ZPBP: variants seen among roughly 807,000 people sequenced by gnomAD.
The protein encoded by ZPBP is zona pellucida binding protein.
In ZPBP, 26 loss-of-function variants were observed where a neutral mutation model predicts 44.8. The observed-to-expected ratio is 0.58, with a 90% CI of 0.43 to 0.81. The LOEUF is 0.81. Ranked by LOEUF, ZPBP falls within the 30% of genes least tolerant of loss-of-function variation. The pLI, the probability that ZPBP is intolerant of heterozygous loss-of-function variation, is 0.00. For missense variants in ZPBP, 409 were observed against 434.0 expected (o/e 0.94, Z 0.51); for synonymous variants, 174 against 153.2 (o/e 1.14, Z -1.00).
At chr7:50,043,065 C>T (rs1474949558) in intron 4 of ZPBP, among the ~76,000 whole-genome samples, 1 of 152,186 alleles carries the variant, frequency 6.6e-6, no homozygotes, top group African/African-American at 2.4e-5. Context: ...GGGCAGAAAA[C>T]CGCTTAAAGG....
At chr7:49,874,430 A>G (rs1356557037) in intron 2 of ZPBP, among the ~76,000 whole-genome samples, 1 of 151,692 alleles carries the variant, frequency 6.6e-6, no homozygotes, top group Admixed American at 6.6e-5. Flanking sequence ...AGGTGTGTAG[A>G]AGGCTGTACT....
At chr7:50,026,432 A>G (rs1480464506) in intron 5 of ZPBP, among the ~76,000 whole-genome samples, 2 of 151,824 alleles carry the variant, frequency 1.3e-5, no homozygotes, top group East Asian at 1.9e-4. Context: ...AGATCTATAC[A>G]ATATACACAG....
chr7:49,956,602 G>C (rs1457668857), intron 7 of ZPBP, among the ~76,000 whole-genome samples: 2 of 151,886 alleles, frequency 1.3e-5, no homozygotes, highest in African/African-American at 2.4e-5. Context: ...AGATCTATAT[G>C]ATGCTAACTA....
chr7:50,069,871 C>T (rs1801747274), intron 3 of ZPBP, among the ~76,000 whole-genome samples: 1 of 152,104 alleles, frequency 6.6e-6, no homozygotes, highest in Admixed American at 6.5e-5. Flanking sequence ...CCTTATGCAA[C>T]GTCCTCAGTC....
intron 2 of ZPBP, among the ~76,000 whole-genome samples, chr7:49,857,785 T>C (rs1562735399): frequency 6.6e-6 from 1 of 152,168 alleles, no homozygotes; most frequent in African/African-American, 2.4e-5. Context: ...AATTCTACAG[T>C]CTCACTTCTG....
intron 6 of ZPBP, among the ~76,000 whole-genome samples, chr7:49,996,627 G>A (rs918985351): frequency 5.3e-5 from 8 of 152,188 alleles, no homozygotes; most frequent in Non-Finnish European, 1.0e-4. Flanking sequence ...ACCAATTCAA[G>A]GTGGTCTGAG....
At chr7:49,988,747 T>A (rs1797432162) in intron 6 of ZPBP, among the ~76,000 whole-genome samples, 1 of 152,186 alleles carries the variant, frequency 6.6e-6, no homozygotes. Context: ...CTGGAGATTG[T>A]GACATTGGAA....
rs115609402 is a variant in ZPBP, at chr7:50,029,891, T to C, written c.706+1201A>G. Reference sequence around the variant, plus strand: ...TTGTTCTTTTAACAGATTCTCACTCTGTCAGCCAGGCTGAAGTGCAGTGGC... The same window carrying C: ...TTGTTCTTTTAACAGATTCTCACTCCGTCAGCCAGGCTGAAGTGCAGTGGC... On this transcript the variant is annotated intron_variant, in intron 5 of 7. Transcript: ENST00000046087. Among the ~76,000 whole-genome samples the C allele has an allele frequency of 4.5e-3, 687 of 152,298 alleles. 3 individuals carry two copies. Among genetic ancestry groups the C allele is most frequent in the African/African-American group, 0.016 (666 of 41,572 alleles).
At chr7:50,043,664 C>A (rs1800204112) in intron 4 of ZPBP, among the ~76,000 whole-genome samples, 2 of 152,164 alleles carry the variant, frequency 1.3e-5, no homozygotes, top group South Asian at 4.1e-4. Context: ...CAGGAGCACT[C>A]AGATTCATAA....
At chr7:49,930,909 TC>T (rs1794422701) in intron 1 of ZPBP, among the ~76,000 whole-genome samples, 1 of 152,206 alleles carries the variant, frequency 6.6e-6, no homozygotes, top group African/African-American at 2.4e-5. Context: ...ATTGTAATAT[TC>T]CCCACATGTT....
At chr7:49,941,171 A>G (rs1441433790) in intron 7 of ZPBP, among the ~76,000 whole-genome samples, 9 of 152,184 alleles carry the variant, frequency 5.9e-5, no homozygotes. Context: ...GATGTGGAGA[A>G]ATTGAAATCA....
At chr7:49,875,167 C>T (rs138489950) in intron 2 of ZPBP, among the ~76,000 whole-genome samples, 4,913 of 150,902 alleles carry the variant, frequency 0.033, 250 homozygotes, top group African/African-American at 0.11. Flanking sequence ...GTCAGGAGTT[C>T]GAGACTAGCC....
chr7:49,964,907 C>T (rs1039951329), intron 7 of ZPBP, among the ~76,000 whole-genome samples: 1 of 151,974 alleles, frequency 6.6e-6, no homozygotes, highest in African/African-American at 2.4e-5. Flanking sequence ...CTATTGTTTC[C>T]TTAGGACATG....
At chr7:50,086,929 T>C (rs1802688432) in intron 2 of ZPBP, among the ~76,000 whole-genome samples, 1 of 152,020 alleles carries the variant, frequency 6.6e-6, no homozygotes, top group African/African-American at 2.4e-5. Context: ...GGAGATAATC[T>C]TGACAGTAGC....
intron 6 of ZPBP, among the ~76,000 whole-genome samples, chr7:49,984,485 C>A (rs1797159005): frequency 6.6e-6 from 1 of 152,084 alleles, no homozygotes; most frequent in Non-Finnish European, 1.5e-5. Context: ...TTTTCACAGA[C>A]CAGGGTGGTA....
rs569504060 is a variant in ZPBP at position 49,890,532 on chromosome 7, G to C, written n.509+10586C>G. ...TCATAACACCTTATCAATTTCTGCA[G>C]GCTAACTTCTCATTTTATAGGGATA... On this transcript the variant is annotated intron_variant and non_coding_transcript_variant, in intron 2 of 2. Coordinates refer to the ZPBP transcript ENST00000465922. 2.6e-5 allele frequency among the ~76,000 whole-genome samples: 4 copies of C among 152,228 alleles called. No homozygotes were observed. The South Asian group carries it at 6.2e-4, about 24-fold the overall frequency.
intron 6 of ZPBP, among the ~76,000 whole-genome samples, chr7:49,997,307 T>C (rs1797890280): frequency 6.6e-6 from 1 of 152,204 alleles, no homozygotes; most frequent in Admixed American, 6.5e-5. Context: ...TCTAACTCCA[T>C]GAGCTACAAT....
At chr7:49,910,152 G>GGA (rs1793329950) in intron 1 of ZPBP, among the ~76,000 whole-genome samples, 1 of 152,052 alleles carries the variant, frequency 6.6e-6, no homozygotes, top group South Asian at 2.1e-4. Flanking sequence ...GTTCAGGGAG[G>GGA]GAGAAGGGGG....
chr7:49,867,865 G>T (rs1450647323), intron 2 of ZPBP, among the ~76,000 whole-genome samples: 1 of 147,138 alleles, frequency 6.8e-6, no homozygotes, highest in Non-Finnish European at 1.5e-5. Context: ...GTGGAGTCTT[G>T]CCCTGTTGCC....
Sources: gnomAD v4.1 joint callset for allele counts (sites outside exome capture counted in the v4.1 genomes callset) on GRCh38, gnomAD v4.1.1 for gene constraint, MANE v1.5 for transcripts, NCBI Gene and HGNC (gene_info 2026-07-23, HGNC 2026-07-21) for gene names.